Variants in DNAH5 observed in about 807,000 individuals in gnomAD.
DNAH5 encodes dynein axonemal heavy chain 5.
DNAH5 carries 372 observed loss-of-function variants against 518.2 expected under a neutral mutation model. The ratio of observed to expected loss-of-function variants is 0.72; its 90% confidence interval spans 0.66 to 0.78. The LOEUF (loss-of-function observed/expected upper bound fraction) is 0.78. Among genes scored for constraint, DNAH5 ranks in the 30% least tolerant of loss-of-function variants. The pLI, the probability that DNAH5 is intolerant of heterozygous loss-of-function variation, is 0.00. For missense variants in DNAH5, 5,523 were observed against 5,687.0 expected, an observed-to-expected ratio of 0.97 and a Z score of 0.93; for synonymous variants, 2,039 against 2,025.9, an observed-to-expected ratio of 1.01 and a Z score of -0.17.
At chr5:13,891,594 C>T (rs767851791) in intron 16 of DNAH5, among the ~76,000 whole-genome samples, 2 of 152,208 alleles carry the variant, frequency 1.3e-5, no homozygotes, top group Non-Finnish European at 2.9e-5. Context: ...GGTCCCTCCT[C>T]CTGTAAAACC....
chr5:13,853,827 A>G (rs1356615213), intron 30 of DNAH5, among the ~76,000 whole-genome samples: 2 of 152,082 alleles, frequency 1.3e-5, no homozygotes, highest in Non-Finnish European at 2.9e-5. Flanking sequence ...TAGAGAAAAA[A>G]TAATGAAAAG....
intron 52 of DNAH5, among the ~76,000 whole-genome samples, chr5:13,783,438 A>G (rs974447233): frequency 2.6e-5 from 4 of 152,106 alleles, no homozygotes; most frequent in Non-Finnish European, 5.9e-5. Flanking sequence ...TCTGATAGGG[A>G]GACAAACACA....
intron 5 of DNAH5, 138 bp downstream of exon 5, chr5:13,921,969 A>T (rs1337277355): frequency 3.6e-6 from 3 of 822,020 alleles, no homozygotes; most frequent in Middle Eastern, 3.4e-4. Flanking sequence ...TTGAAGGAGC[A>T]ATAAAATTGC....
intron 50 of DNAH5, among the ~76,000 whole-genome samples, chr5:13,789,833 C>T (rs901079834): frequency 1.1e-4 from 16 of 152,198 alleles, no homozygotes; most frequent in Admixed American, 3.9e-4. Context: ...AAAATATTCA[C>T]GCCGCTAAAC....
At chr5:13,783,906 A>G (rs542542455) in intron 52 of DNAH5, among the ~76,000 whole-genome samples, 1 of 152,276 alleles carries the variant, frequency 6.6e-6, no homozygotes, top group South Asian at 2.1e-4. Flanking sequence ...AGTGGAGAGG[A>G]ATGCAACATT....
At chr5:13,946,113 C>T (rs1204013362), upstream of DNAH5, among the ~76,000 whole-genome samples, 1 of 152,200 alleles carries the variant, frequency 6.6e-6, no homozygotes, top group Admixed American at 6.5e-5. Context: ...GACCTCAGGA[C>T]AAACATGTTA....
chr5:13,709,639 C>G (rs1418932265), intron 75 of DNAH5, among the ~76,000 whole-genome samples: 1 of 152,144 alleles, frequency 6.6e-6, no homozygotes, highest in African/African-American at 2.4e-5. Context: ...AAGAACAAAG[C>G]AGCAATCCCT....
chr5:13,883,868 AT>A (rs1772003628), intron 19 of DNAH5, among the ~76,000 whole-genome samples: 1 of 152,182 alleles, frequency 6.6e-6, no homozygotes, highest in Admixed American at 6.5e-5. Flanking sequence ...CAAAAAAAAA[AT>A]CTTTCAGAGT....
chr5:13,966,635 T>C (rs1010343713), intron 1 of DNAH5, among the ~76,000 whole-genome samples: 6 of 152,236 alleles, frequency 3.9e-5, no homozygotes, highest in African/African-American at 1.2e-4. Flanking sequence ...TTTTTTCATG[T>C]TTGTTGGCCA....
At chr5:13,944,847 T>A (rs2152029555), upstream of DNAH5, among the ~76,000 whole-genome samples, 1 of 152,352 alleles carries the variant, frequency 6.6e-6, no homozygotes, top group African/African-American at 2.4e-5. Flanking sequence ...TCAACAGTGA[T>A]ATCTAAATAG....
At position 13,769,462 on chromosome 5, in the gene DNAH5, T is replaced by A. The variant is rs564036387; in HGVS notation, c.9720+39A>T. 21 of 1,520,968 alleles carry A rather than the reference T, an allele frequency of 1.4e-5. No homozygotes were observed. The Admixed American group carries it at 2.3e-4, about 17-fold the overall frequency. The allele number at this position is 1,520,968 out of a possible 1,614,324, so 94.2% of individuals were successfully genotyped here. On this transcript the variant is annotated intron_variant, in intron 57 of 78. Transcript: ENST00000265104. ...ATCATTAACACTTGTGAACTGAGAA[T>A]TCAAAAGGAATGTGGCACATGTGTA...
At position 13,744,690 on chromosome 5, in the gene DNAH5, T is replaced by C. The variant is rs575807779; in HGVS notation, c.11211+6388A>G. ...TAAAATTTCGTGAACATAGCATTTGTTAATTAAATGATTTTTTACTGTAAG... is the reference window on the plus strand; with the variant it reads ...TAAAATTTCGTGAACATAGCATTTGCTAATTAAATGATTTTTTACTGTAAG... On this transcript the variant is annotated intron_variant, in intron 65 of 78. Coordinates refer to ENST00000265104, the MANE Select transcript of DNAH5 (RefSeq NM_001369.3). 2.6e-5 allele frequency among the ~76,000 whole-genome samples: 4 copies of C among 152,214 alleles called. No homozygotes were observed. The South Asian group carries it at 8.3e-4, about 32-fold the overall frequency.
chr5:13,711,758 G>A (rs1029694770), intron 75 of DNAH5, among the ~76,000 whole-genome samples: 9 of 152,004 alleles, frequency 5.9e-5, no homozygotes, highest in Admixed American at 2.6e-4. Context: ...AATCAAGAAC[G>A]CAACCCCTTT....
intron 65 of DNAH5, among the ~76,000 whole-genome samples, chr5:13,750,450 AT>A (rs1423165576): frequency 6.6e-6 from 1 of 152,210 alleles, no homozygotes; most frequent in African/African-American, 2.4e-5. Context: ...AAGTTATTCC[AT>A]AAAACAGAAG....
At chr5:13,961,745 C>T (rs1781202678) in intron 1 of DNAH5, among the ~76,000 whole-genome samples, 1 of 152,124 alleles carries the variant, frequency 6.6e-6, no homozygotes, top group South Asian at 2.1e-4. Context: ...GCATTATGAG[C>T]CCCTTGGTGA....
chr5:13,726,898 G>C (rs1745814976), intron 70 of DNAH5, among the ~76,000 whole-genome samples: 1 of 152,194 alleles, frequency 6.6e-6, no homozygotes, highest in African/African-American at 2.4e-5. Flanking sequence ...ATAAAGGCAA[G>C]ACACAAGTCC....
At chr5:13,886,281 A>C in intron 17 of DNAH5, 152 bp from the exon 18 acceptor site, 2 of 794,384 alleles carry the variant, frequency 2.5e-6, no homozygotes, top group Non-Finnish European at 4.0e-6. Flanking sequence ...TCACAATAGC[A>C]CAGGCCAGGT....
chr5:13,887,380 G>T (rs1772580187), intron 17 of DNAH5, among the ~76,000 whole-genome samples: 1 of 152,134 alleles, frequency 6.6e-6, no homozygotes, highest in Non-Finnish European at 1.5e-5. Flanking sequence ...AATTAACAAA[G>T]CAGAATATAA....
At chr5:13,990,511 C>G (rs1454510523) in intron 1 of DNAH5, among the ~76,000 whole-genome samples, 23 of 151,936 alleles carry the variant, frequency 1.5e-4, no homozygotes, top group Non-Finnish European at 8.8e-5. Flanking sequence ...CGAGATCGCA[C>G]CACTGCACTC....
Sources: allele counts gnomAD v4.1 joint callset (sites outside exome capture counted in the v4.1 genomes callset), GRCh38; gene constraint gnomAD v4.1.1; transcripts MANE v1.5; gene names NCBI Gene and HGNC (gene_info 2026-07-23, HGNC 2026-07-21).